The following COG7 variants were observed in gnomAD, a reference collection of about 807,000 sequenced individuals.
COG7 encodes the protein conserved oligomeric Golgi complex subunit 7.
Under a neutral mutation model 91.5 loss-of-function variants are expected in COG7, and 49 were observed. The observed-to-expected ratio is 0.54, with a 90% confidence interval of 0.43 to 0.68. COG7 has a LOEUF of 0.68. Among genes scored for constraint, COG7 ranks in the 30% least tolerant of loss-of-function variants. The probability of loss-of-function intolerance (pLI) is 0.00; values close to 1 mark genes in which losing one functional copy is unlikely to be tolerated. For synonymous variants in COG7, 365 were observed against 388.7 expected, an observed-to-expected ratio of 0.94 and a Z score of 0.72; for missense variants, 895 against 961.3, an observed-to-expected ratio of 0.93 and a Z score of 0.91.
chr16:23,418,866 G>T (rs1483189963), intron 7 of COG7, 39 bp from the exon 8 acceptor site: 1 of 1,600,314 alleles, frequency 6.2e-7, no homozygotes. Flanking sequence ...AATGAACAAA[G>T]AATCTGAAAT....
chr16:23,402,040 G>C (rs1963386540), intron 13 of COG7, among the ~76,000 whole-genome samples: 1 of 152,190 alleles, frequency 6.6e-6, no homozygotes, highest in Non-Finnish European at 1.5e-5. Context: ...CTGGGTGACA[G>C]AGTGAGACTC....
chr16:23,430,844 T>C (rs965212429), intron 6 of COG7, among the ~76,000 whole-genome samples: 3 of 151,892 alleles, frequency 2.0e-5, no homozygotes, highest in Non-Finnish European at 4.4e-5. Flanking sequence ...CCCAGTCTTG[T>C]AACTTATTTT....
chr16:23,433,665 C>T lies in COG7; in HGVS notation c.690G>A (p.Val230=), dbSNP rs754522764. 3 of 1,613,992 alleles carry T rather than the reference C, an allele frequency of 1.9e-6. No homozygotes were observed. Among genetic ancestry groups the T allele is most frequent in the East Asian group, 4.5e-5 (2 of 44,864 alleles). ...LLAYYYKCHK[V]QLLAAWQELC... is the part of the protein sequence containing the mutation. ...GCTCTTGCCAGGCTGCTAAAAGCTG[C>T]ACCTGCAGAGACAGAACAAAGGGAA... Residue 230 remains valine (V), a splice_region_variant and synonymous_variant, in exon 6 of 17, where the codon GTG becomes GTA. Transcript: ENST00000307149.
At chr16:23,392,356 A>T (rs201760021) in intron 16 of COG7, 24 bp downstream of exon 16, 2 of 1,614,000 alleles carry the variant, frequency 1.2e-6, no homozygotes, top group Non-Finnish European at 1.7e-6. Flanking sequence ...TGTCCCTCCC[A>T]CCGCCTGTCT....
chr16:23,410,259 C>A (rs1402486667), intron 11 of COG7, 36 bp downstream of exon 11: 1 of 1,588,356 alleles, frequency 6.3e-7, no homozygotes, highest in Non-Finnish European at 8.6e-7. Context: ...GATCAGGAAC[C>A]CCAGGGTGTA....
intron 1 of COG7, among the ~76,000 whole-genome samples, chr16:23,452,461 G>A (rs1296820262): frequency 1.3e-5 from 2 of 152,042 alleles, no homozygotes; most frequent in Non-Finnish European, 2.9e-5. Context: ...TAGTCCTAGC[G>A]ACTCGAGAGG....
chr16:23,389,095 GC>G lies in COG7; in HGVS notation c.2147-10del, dbSNP rs1268013843. On this transcript the variant is annotated splice_polypyrimidine_tract_variant and intron_variant, in intron 16 of 16. Coordinates refer to ENST00000307149, the MANE Select transcript of COG7 (RefSeq NM_153603.4). ...CACGTTGATCAGATAGTCTGTGGGGGCGGAGAGGAGACAGACAGAGCTCCAC... is the reference window on the plus strand; with the variant it reads ...CACGTTGATCAGATAGTCTGTGGGGGGGAGAGGAGACAGACAGAGCTCCAC... 6.2e-7 allele frequency: 1 copy of G among 1,613,268 alleles called. No homozygotes were observed. Among genetic ancestry groups the G allele is most frequent in the Non-Finnish European group, 8.5e-7 (1 of 1,179,810 alleles).
chr16:23,393,335 T>C lies in COG7; in HGVS notation c.1900A>G (p.Ile634Val). 6.2e-7 allele frequency: 1 copy of C among 1,613,430 alleles called. No individual in the cohort carries two copies. The highest frequency in any genetic ancestry group is 8.5e-7 in the Non-Finnish European group (1 of 1,179,354). The stretch of plus-strand genomic sequence containing the variant: ...TCAAGATTCAGGGGGAGGGACATGA[T>C]GTACTGCCCGATCTGAAACAAAAGA... ...LEYISNIGQY[I>V]MSLPLNLEPF... Residue 634 changes from isoleucine to valine, a missense_variant, in exon 15 of 17, where the codon ATC becomes GTC. By Grantham distance (29) the Ile-to-Val change is conservative (BLOSUM62 3). Coordinates refer to ENST00000307149, the MANE Select transcript of COG7 (RefSeq NM_153603.4).
intron 6 of COG7, among the ~76,000 whole-genome samples, chr16:23,427,688 A>G (rs1963870711): frequency 6.6e-6 from 1 of 152,130 alleles, no homozygotes; most frequent in Admixed American, 6.6e-5. Context: ...CCATTGAACC[A>G]GGATGAAAAC....
chr16:23,422,875 T>A (rs1056419603), intron 7 of COG7, among the ~76,000 whole-genome samples: 2 of 151,338 alleles, frequency 1.3e-5, no homozygotes, highest in Admixed American at 1.3e-4. Flanking sequence ...AAACCTCGTC[T>A]CTACTAAAAA....
At chr16:23,403,569 G>T in intron 13 of COG7, 125 bp downstream of exon 13, 2 of 1,242,400 alleles carry the variant, frequency 1.6e-6, no homozygotes, top group South Asian at 1.3e-5. Flanking sequence ...GCTCTTTCCG[G>T]CTTGGGAAAG....
At chr16:23,401,152 C>T (rs188892209) in intron 13 of COG7, among the ~76,000 whole-genome samples, 15 of 152,268 alleles carry the variant, frequency 9.9e-5, no homozygotes, top group African/African-American at 3.4e-4. Context: ...TCAAATATAG[C>T]GTTGGTTTGT....
chr16:23,434,278 C>T (rs1172941304), intron 5 of COG7, among the ~76,000 whole-genome samples: 2 of 152,006 alleles, frequency 1.3e-5, no homozygotes, highest in Admixed American at 1.3e-4. Flanking sequence ...ATAGTGAAAC[C>T]CTATCTCTAA....
intron 1 of COG7, 134 bp downstream of exon 1, chr16:23,452,692 G>T (rs945835857): frequency 1.6e-5 from 23 of 1,460,964 alleles, no homozygotes; most frequent in Non-Finnish European, 2.0e-5. Flanking sequence ...CAGGAGTTCG[G>T]GGCTTGCTCT....
At position 23,418,802 on chromosome 16, in the gene COG7, C is replaced by T. The variant is rs751396156; in HGVS notation, c.1035G>A (p.Thr345=). 82 of 1,613,474 alleles carry T rather than the reference C, an allele frequency of 5.1e-5. No homozygotes were observed. The highest frequency in any genetic ancestry group is 6.7e-5 in the Non-Finnish European group (79 of 1,179,572). ...HLHEHNLVKV[T]ELVDAVYDPY... ...GATCATACACAGCATCCACCAGCTC[C>T]GTGACTTTTACCAGATTGTGTTCAT... The change falls in exon 8 of 17, where the codon ACG becomes ACA. Residue 345 remains threonine, a synonymous_variant. Transcript: ENST00000307149.
intron 6 of COG7, among the ~76,000 whole-genome samples, chr16:23,433,234 A>G (rs1011109400): frequency 1.3e-5 from 2 of 151,954 alleles, no homozygotes; most frequent in African/African-American, 4.8e-5. Context: ...TCTCCTTAGT[A>G]ATTGTGCCAC....
At chr16:23,444,901 C>A (rs1191528503) in intron 3 of COG7, 147 bp downstream of exon 3, 3 of 752,934 alleles carry the variant, frequency 4.0e-6, no homozygotes, top group Non-Finnish European at 7.3e-6. Context: ...TGGAAACACA[C>A]CGAGCAGCTT....
At chr16:23,442,329 G>A (rs982940784) in intron 4 of COG7, 148 bp downstream of exon 4, 44 of 704,016 alleles carry the variant, frequency 6.2e-5, no homozygotes, top group Admixed American at 2.0e-4. Context: ...GAAAGACTCC[G>A]TCTCAAAAAA....
chr16:23,424,898 A>G lies in COG7; in HGVS notation c.860T>C (p.Leu287Pro). Residue 287 changes from leucine to proline, a missense_variant, in exon 7 of 17, where the codon CTG becomes CCG. Physicochemically the swap from Leu to Pro is moderately conservative, Grantham distance 98. Coordinates refer to ENST00000307149, the MANE Select transcript of COG7 (RefSeq NM_153603.4). ...GGGCAGCGAGGGCATGAGGGCCCCC[A>G]GGGTCTGAATCAGCAGCACCATTAC... ...EVVMVLLIQT[L>P]GALMPSLPSC... The G allele has an allele frequency of 1.2e-6, 2 of 1,613,998 alleles. No individual in the cohort carries two copies. Among genetic ancestry groups the G allele is most frequent in the South Asian group, 2.2e-5 (2 of 91,038 alleles).
Sources: gnomAD v4.1 joint callset for allele counts (sites outside exome capture counted in the v4.1 genomes callset) on GRCh38, gnomAD v4.1.1 for gene constraint, MANE v1.5 for transcripts, NCBI Gene and HGNC (gene_info 2026-07-23, HGNC 2026-07-21) for gene names.